The following PARM1 variants were observed in gnomAD, a reference collection of about 807,000 sequenced individuals.
PARM1 encodes prostate androgen-regulated mucin-like protein 1.
In PARM1, 14 loss-of-function variants were observed where a neutral mutation model predicts 24.6. The ratio of observed to expected loss-of-function variants is 0.57; its 90% CI spans 0.38 to 0.89. The LOEUF (loss-of-function observed/expected upper bound fraction) is 0.89. PARM1 is among the 40% of genes least tolerant of loss of function. PARM1 has a pLI of 0.00. For synonymous variants in PARM1, 179 were observed against 156.6 expected, an observed-to-expected ratio of 1.14 and a Z score of -1.07; for missense variants, 362 against 380.4, an observed-to-expected ratio of 0.95 and a Z score of 0.40.
chr4:74,999,593 G>A (rs1722639609), intron 1 of PARM1, among the ~76,000 whole-genome samples: 1 of 152,152 alleles, frequency 6.6e-6, no homozygotes, highest in African/African-American at 2.4e-5. Context: ...AGATACCTGG[G>A]TTCCTTGCAC....
rs767578641 is a variant in PARM1 at position 75,027,281 on chromosome 4, C to G, written c.770-6602C>G. Among the ~76,000 whole-genome samples, 3 of 152,056 alleles carry G rather than the reference C, an allele frequency of 2.0e-5. No homozygotes were observed. In the East Asian group the frequency reaches 5.8e-4, roughly 29 times the overall value. On this transcript the variant is annotated intron_variant, in intron 2 of 3. Coordinates refer to ENST00000307428, the MANE Select transcript of PARM1 (RefSeq NM_015393.4). ...ACCTCAGGGCCCCTGCCTATTGGGT[C>G]TCTACACACCACACTGTCCTGGCTT...
At chr4:74,964,484 C>A (rs1036907752) in intron 1 of PARM1, among the ~76,000 whole-genome samples, 4 of 152,044 alleles carry the variant, frequency 2.6e-5, no homozygotes, top group African/African-American at 9.7e-5. Context: ...GCAAATATTG[C>A]TCCCTCAGAT....
At position 75,013,290 on chromosome 4, in the gene PARM1, G is replaced by A. The variant is rs143915561; in HGVS notation, c.769+140G>A. The A allele has an allele frequency of 4.5e-4, 410 of 903,516 alleles. 6 individuals carry two copies. The African/African-American group carries it at 5.6e-3, about 12-fold the overall frequency. 56.0% of individuals were successfully genotyped at this position (903,516 alleles called of 1,614,324 possible). A position where few individuals can be genotyped will look rare whatever the true frequency, so the allele number is the denominator to read the frequency against. On this transcript the variant is annotated intron_variant, in intron 2 of 3. Transcript: ENST00000307428. ...AATTATAATTCACAAGAATTTCCAC[G>A]AGTGCAAACTTTATTTTTAGTCACT... is the stretch of plus-strand genomic sequence containing the variant.
At chr4:75,026,904 A>G (rs1313735088) in intron 2 of PARM1, among the ~76,000 whole-genome samples, 1 of 152,118 alleles carries the variant, frequency 6.6e-6, no homozygotes, top group Non-Finnish European at 1.5e-5. Context: ...CCCATTTTTT[A>G]GTTAAGAACA....
At chr4:75,001,581 G>A (rs1392253287) in intron 1 of PARM1, among the ~76,000 whole-genome samples, 1 of 152,044 alleles carries the variant, frequency 6.6e-6, no homozygotes, top group Non-Finnish European at 1.5e-5. Context: ...TCATTGTTTT[G>A]TACAATTAAG....
At chr4:74,977,274 A>G (rs995404050) in intron 1 of PARM1, among the ~76,000 whole-genome samples, 10 of 152,232 alleles carry the variant, frequency 6.6e-5, no homozygotes, top group Non-Finnish European at 4.4e-5. Context: ...AAATGACCTG[A>G]TGGAGCTGAA....
At chr4:74,976,720 C>G (rs1392240635) in intron 1 of PARM1, among the ~76,000 whole-genome samples, 2 of 152,178 alleles carry the variant, frequency 1.3e-5, no homozygotes, top group Non-Finnish European at 2.9e-5. Flanking sequence ...GGCTGCCCTT[C>G]TGTGACAGGG....
chr4:74,948,210 A>T (rs1214041756), intron 1 of PARM1, among the ~76,000 whole-genome samples: 1 of 152,212 alleles, frequency 6.6e-6, no homozygotes, highest in Admixed American at 6.5e-5. Context: ...CCTCCCAGGT[A>T]TGAGCACATA....
intron 1 of PARM1, among the ~76,000 whole-genome samples, chr4:74,949,405 G>A (rs1277916817): frequency 4.6e-5 from 7 of 152,136 alleles, no homozygotes; most frequent in East Asian, 3.9e-4. Context: ...TGCAAGCTCC[G>A]CCTCCCAGTT....
intron 1 of PARM1, among the ~76,000 whole-genome samples, chr4:74,968,391 A>T (rs1721952865): frequency 1.3e-5 from 2 of 152,254 alleles, no homozygotes; most frequent in South Asian, 2.1e-4. Flanking sequence ...AAAGTTGATT[A>T]TTCTGATTTT....
At chr4:75,037,428 A>G (rs1031682754) in intron 3 of PARM1, among the ~76,000 whole-genome samples, 5 of 152,216 alleles carry the variant, frequency 3.3e-5, no homozygotes, top group African/African-American at 1.2e-4. Context: ...AAGCTCTGCT[A>G]ACAATGGGTG....
chr4:75,001,073 T>C lies in PARM1; in HGVS notation c.44-11352T>C, dbSNP rs1174886354. Among the ~76,000 whole-genome samples, 4 of 152,356 alleles carry C rather than the reference T, an allele frequency of 2.6e-5. No individual in the cohort carries two copies. In the East Asian group the frequency reaches 5.8e-4, roughly 22 times the overall value. On this transcript the variant is annotated intron_variant, in intron 1 of 3. Coordinates refer to ENST00000307428, the MANE Select transcript of PARM1 (RefSeq NM_015393.4). ...AATTTGCTCTTGTAAGATGGAGATA[T>C]AATATTTCCCATAGGTTTATTGTAA...
At chr4:74,948,318 C>A (rs538265283) in intron 1 of PARM1, among the ~76,000 whole-genome samples, 1 of 152,308 alleles carries the variant, frequency 6.6e-6, no homozygotes, top group Non-Finnish European at 1.5e-5. Flanking sequence ...AAGAACTTAA[C>A]TAAAAATCTC....
chr4:74,969,672 A>G (rs891027338), intron 1 of PARM1: 5 of 152,204 alleles, frequency 3.3e-5, no homozygotes, highest in Non-Finnish European at 7.3e-5. Context: ...AGAGAAAATA[A>G]AAGTTAAAAG....
chr4:74,991,076 G>A (rs1722457967), intron 1 of PARM1, among the ~76,000 whole-genome samples: 1 of 152,148 alleles, frequency 6.6e-6, no homozygotes, highest in African/African-American at 2.4e-5. Context: ...TGTATTAGGT[G>A]TAAAAGAAGT....
chr4:75,033,929 G>A lies in PARM1; in HGVS notation c.816G>A (p.Leu272=). 5.6e-6 allele frequency: 9 copies of A among 1,603,904 alleles called. No individual in the cohort carries two copies. Among genetic ancestry groups the A allele is most frequent in the Non-Finnish European group, 7.7e-6 (9 of 1,175,136 alleles). ...TGACAGTCATTGCCGTGGTGCTGCTGGTGTTTGGAGTTGCAGCCTACCTAA... is the reference window on the plus strand; with the variant it reads ...TGACAGTCATTGCCGTGGTGCTGCTAGTGTTTGGAGTTGCAGCCTACCTAA... The part of the protein sequence containing the change: ...ITVTVIAVVL[L]VFGVAAYLKI... Residue 272 remains leucine, a synonymous_variant, in exon 3 of 4, where the codon CTG becomes CTA. Coordinates refer to ENST00000307428, the MANE Select transcript of PARM1 (RefSeq NM_015393.4).
At chr4:75,015,292 C>G (rs921077036) in intron 2 of PARM1, among the ~76,000 whole-genome samples, 2 of 152,208 alleles carry the variant, frequency 1.3e-5, no homozygotes, top group Non-Finnish European at 1.5e-5. Context: ...TTCCTCAACT[C>G]TAGGCCAGCA....
Position 75,013,090 on chromosome 4 carries a change from G to T in PARM1, c.709G>T (p.Glu237Ter). The change falls in exon 2 of 4, where the codon GAG becomes TAG. Residue 237 changes from glutamate to a stop codon, truncating the protein, a stop_gained. Coordinates refer to ENST00000307428, the MANE Select transcript of PARM1 (RefSeq NM_015393.4). LOFTEE classifies it high-confidence loss of function. ...AGTGATGTGTGAGCTCATAGACATG[G>T]AGACCACCACCACCTTTCCCAGGGT... The part of the protein sequence containing the change: ...GKVMCELIDM[E>*]TTTTFPRVIM... 1 of 1,613,984 alleles carries T rather than the reference G, an allele frequency of 6.2e-7. No individual in the cohort carries two copies. The highest frequency in any genetic ancestry group is 8.5e-7 in the Non-Finnish European group (1 of 1,179,894).
chr4:75,049,380 T>C lies in PARM1; in HGVS notation c.*3133T>C, dbSNP rs1723673865. 6.6e-6 allele frequency: 1 copy of C among 152,238 alleles called. No homozygotes were observed. The highest frequency in any genetic ancestry group is 2.1e-4 in the South Asian group (1 of 4,834). 9.4% of individuals were successfully genotyped at this position (152,238 alleles called of 1,614,324 possible). On this transcript the variant is annotated 3_prime_UTR_variant, in exon 4 of 4. Transcript: ENST00000307428. The stretch of plus-strand genomic sequence containing the variant: ...ATAGACAGTTTAACTATTACATAGA[T>C]ATATAAGTGATCTCAGTTTCTTGTT...
Sources: allele counts gnomAD v4.1 joint callset (sites outside exome capture counted in the v4.1 genomes callset), GRCh38; gene constraint gnomAD v4.1.1; transcripts MANE v1.5; gene names NCBI Gene and HGNC (gene_info 2026-07-23, HGNC 2026-07-21).